Variants in CEP112 observed in about 807,000 individuals in gnomAD.
CEP112 encodes centrosomal protein of 112 kDa.
A neutral mutation model predicts 153.0 loss-of-function variants in CEP112; 127 were observed. The observed-to-expected ratio is 0.83, with a 90% CI of 0.72 to 0.96. The LOEUF is 0.96. CEP112 is among the 40% of genes least tolerant of loss of function. The pLI is 0.00. For synonymous variants in CEP112, 358 were observed against 374.4 expected, an observed-to-expected ratio of 0.96 and a Z score of 0.51; for missense variants, 1,089 against 1,101.2, an observed-to-expected ratio of 0.99 and a Z score of 0.16.
At chr17:65,818,591 C>T (rs1381629068) in intron 21 of CEP112, among the ~76,000 whole-genome samples, 1 of 151,774 alleles carries the variant, frequency 6.6e-6, no homozygotes, top group Non-Finnish European at 1.5e-5. Flanking sequence ...TAACTTTCTC[C>T]TCAAGTTTAT....
chr17:66,112,128 C>T (rs186291568), intron 6 of CEP112, among the ~76,000 whole-genome samples: 29 of 151,416 alleles, frequency 1.9e-4, no homozygotes, highest in African/African-American at 6.3e-4. Flanking sequence ...CCATCTCTAC[C>T]GAAAATACAA....
intron 24 of CEP112, chr17:65,688,912 C>T (rs1385024803): frequency 1.1e-5 from 4 of 366,056 alleles, no homozygotes; most frequent in African/African-American, 4.3e-5. Context: ...GGATTACAGG[C>T]ACCTGCCACC....
At chr17:65,683,224 G>A (rs1301028574) in intron 24 of CEP112, among the ~76,000 whole-genome samples, 5 of 152,218 alleles carry the variant, frequency 3.3e-5, no homozygotes, top group Non-Finnish European at 7.3e-5. Flanking sequence ...TTGGTCACTA[G>A]TGTCTCTCCT....
intron 24 of CEP112, among the ~76,000 whole-genome samples, chr17:65,683,273 G>T (rs143435742): frequency 0.011 from 1,672 of 152,332 alleles, 9 homozygotes; most frequent in Non-Finnish European, 0.019. Flanking sequence ...TATGAAGTTG[G>T]TTGCTGCAAA....
intron 24 of CEP112, among the ~76,000 whole-genome samples, chr17:65,684,069 C>A (rs1229368215): frequency 6.6e-6 from 1 of 151,824 alleles, no homozygotes; most frequent in Non-Finnish European, 1.5e-5. Flanking sequence ...AAAAACAAAA[C>A]CAACTTCCAT....
rs553847623 is a variant in CEP112 at position 65,775,566 on chromosome 17, G to A, written c.2395-24842C>T. Among the ~76,000 whole-genome samples, 9 of 151,914 alleles carry A rather than the reference G, an allele frequency of 5.9e-5. No homozygotes were observed. The South Asian group carries it at 6.2e-4, about 11-fold the overall frequency. On this transcript the variant is annotated intron_variant, in intron 21 of 26. Coordinates refer to ENST00000535342, the MANE Select transcript of CEP112 (RefSeq NM_001199165.4). ...ATCCAGGCTGGAGTGCAGCGGGTGCGATCTTGGCTCACTGCAACCTCTGCC... is the reference window on the plus strand; with the variant it reads ...ATCCAGGCTGGAGTGCAGCGGGTGCAATCTTGGCTCACTGCAACCTCTGCC...
intron 19 of CEP112, among the ~76,000 whole-genome samples, chr17:65,925,718 A>G (rs1402485785): frequency 1.3e-5 from 2 of 152,206 alleles, no homozygotes; most frequent in African/African-American, 4.8e-5. Context: ...CAGGGAGGCC[A>G]TGTTTGCTTT....
At chr17:65,693,532 A>G (rs1187535869) in intron 23 of CEP112, among the ~76,000 whole-genome samples, 1 of 152,030 alleles carries the variant, frequency 6.6e-6, no homozygotes, top group Admixed American at 6.6e-5. Context: ...GATATGGAGA[A>G]GGGGATGGGT....
At chr17:65,948,233 C>CA (rs1290758844) in intron 18 of CEP112, among the ~76,000 whole-genome samples, 1 of 152,186 alleles carries the variant, frequency 6.6e-6, no homozygotes, top group Non-Finnish European at 1.5e-5. Flanking sequence ...GTTTTCATGA[C>CA]AAACCAGTGG....
In CEP112 at chr17:65,818,162, T is replaced by C. The variant is rs577374357; in HGVS notation, c.2394+33642A>G. ...TTACAAAGTAACCCAGAAGGTCAGA[T>C]ATCAATGTGACTTACAGTGAAGGAA... On this transcript the variant is annotated intron_variant, in intron 21 of 26. Transcript: ENST00000535342. 9.2e-5 allele frequency among the ~76,000 whole-genome samples: 14 copies of C among 151,962 alleles called. No individual in the cohort carries two copies. In the East Asian group the frequency reaches 2.7e-3, roughly 29 times the overall value.
chr17:66,138,126 A>C (rs2070520661), intron 4 of CEP112, among the ~76,000 whole-genome samples: 1 of 152,222 alleles, frequency 6.6e-6, no homozygotes, highest in Admixed American at 6.5e-5. Flanking sequence ...ACTGCAGCCA[A>C]GCAGATGGGA....
intron 21 of CEP112, among the ~76,000 whole-genome samples, chr17:65,822,085 T>A (rs1305638787): frequency 6.6e-6 from 1 of 151,962 alleles, no homozygotes; most frequent in Non-Finnish European, 1.5e-5. Context: ...AATATTATTT[T>A]AAAATATTTC....
intron 21 of CEP112, among the ~76,000 whole-genome samples, chr17:65,762,073 C>T (rs767361603): frequency 2.6e-5 from 4 of 151,784 alleles, no homozygotes; most frequent in Non-Finnish European, 5.9e-5. Flanking sequence ...TTTGTTTGTT[C>T]GTTTTTGGTT....
At chr17:65,820,812 T>C (rs2056492641) in intron 21 of CEP112, among the ~76,000 whole-genome samples, 1 of 152,136 alleles carries the variant, frequency 6.6e-6, no homozygotes, top group South Asian at 2.1e-4. Context: ...CATTGAAAAC[T>C]GTTAGAATTC....
chr17:65,906,647 A>G (rs2060095132), intron 19 of CEP112, among the ~76,000 whole-genome samples: 1 of 152,198 alleles, frequency 6.6e-6, no homozygotes, highest in Non-Finnish European at 1.5e-5. Flanking sequence ...TATTGGCAAT[A>G]TTCAGAAAAA....
Position 65,767,892 on chromosome 17 carries a change from G to A in CEP112, c.2395-17168C>T, listed in dbSNP as rs140736324. 9.9e-4 allele frequency among the ~76,000 whole-genome samples: 150 copies of A among 152,104 alleles called. 1 individual carries two copies. The highest frequency in any genetic ancestry group is 1.9e-3 in the Non-Finnish European group (130 of 67,934). On this transcript the variant is annotated intron_variant, in intron 21 of 26. Transcript: ENST00000535342. ...AAGTAGTAATTTAAAATCTCCCCAA[G>A]AAAGAAAAGCCCAAAACCAGATGTC... is the stretch of plus-strand genomic sequence containing the variant.
At chr17:65,655,269 C>A in intron 24 of CEP112, 6 of 1,147,502 alleles carry the variant, frequency 5.2e-6, no homozygotes, top group Non-Finnish European at 7.9e-6. Context: ...GTGCAGACTG[C>A]CTTTGTTGGG....
At chr17:65,748,933 C>G (rs1161014001) in intron 22 of CEP112, among the ~76,000 whole-genome samples, 1 of 152,190 alleles carries the variant, frequency 6.6e-6, no homozygotes, top group East Asian at 1.9e-4. Flanking sequence ...CGGTCTGCTT[C>G]CCCCATTTAA....
At chr17:65,827,704 CCTCTAATGT>C (rs1360185883) in intron 21 of CEP112, among the ~76,000 whole-genome samples, 10 of 152,164 alleles carry the variant, frequency 6.6e-5, no homozygotes, top group Non-Finnish European at 1.5e-4. Context: ...CCTTGGAATG[CCTCTAATGT>C]CTTTTCCAAC....
Sources: allele counts gnomAD v4.1 joint callset (sites outside exome capture counted in the v4.1 genomes callset), GRCh38; gene constraint gnomAD v4.1.1; transcripts MANE v1.5; gene names NCBI Gene and HGNC (gene_info 2026-07-23, HGNC 2026-07-21).